TTC39B: variants seen among roughly 807,000 people sequenced by gnomAD.
The protein encoded by TTC39B is tetratricopeptide repeat protein 39B.
TTC39B carries 92 observed loss-of-function variants against 96.6 expected under a neutral mutation model. That is an observed-to-expected ratio of 0.95 (90% CI 0.80 to 1.13). The LOEUF (loss-of-function observed/expected upper bound fraction) is 1.13. Ranked by LOEUF, TTC39B falls within the 50% of genes most tolerant of loss-of-function variation. The probability of loss-of-function intolerance (pLI) is 0.00; values close to 1 mark genes in which losing one functional copy is unlikely to be tolerated. For missense variants in TTC39B, 955 were observed against 809.3 expected (o/e 1.18, Z -2.18); for synonymous variants, 367 against 299.4 (o/e 1.23, Z -2.33).
rs975979209 is a variant in TTC39B, at chr9:15,218,127, G to A, written c.372-3878C>T. Among the ~76,000 whole-genome samples the A allele has an allele frequency of 1.1e-4, 15 of 133,794 alleles. No individual in the cohort carries two copies. In the East Asian group the frequency reaches 2.0e-3, roughly 18 times the overall value. The allele number at this position is 133,794 out of a possible 152,430, so 87.8% of individuals were successfully genotyped here. A position where few individuals can be genotyped will look rare whatever the true frequency, so the allele number is the denominator to read the frequency against. On this transcript the variant is annotated intron_variant, in intron 3 of 19. Coordinates refer to ENST00000512701, the Ensembl canonical transcript of TTC39B. ...GGAGGTTGCAGTGAGCTGAGATCGC[G>A]CCACTGCATTCCAGTCTGGCAACAG...
intron 3 of TTC39B, among the ~76,000 whole-genome samples, chr9:15,217,649 T>C (rs35570964): frequency 0.099 from 15,031 of 152,248 alleles, 792 homozygotes; most frequent in Non-Finnish European, 0.13. Context: ...ATTGAGACTC[T>C]CATCACTTCA....
intron 1 of TTC39B, among the ~76,000 whole-genome samples, chr9:15,274,244 T>C (rs888149794): frequency 6.6e-6 from 1 of 152,226 alleles, no homozygotes; most frequent in Non-Finnish European, 1.5e-5. Context: ...TGAGCTCATC[T>C]GTTAGGAATA....
At chr9:15,300,735 A>C (rs1227120911) in intron 1 of TTC39B, among the ~76,000 whole-genome samples, 1 of 151,880 alleles carries the variant, frequency 6.6e-6, no homozygotes, top group Non-Finnish European at 1.5e-5. Context: ...AAAATACAAA[A>C]ATTAGCTGGG....
chr9:15,222,560 C>G (rs1331808769), intron 3 of TTC39B, among the ~76,000 whole-genome samples: 1 of 152,178 alleles, frequency 6.6e-6, no homozygotes, highest in Non-Finnish European at 1.5e-5. Flanking sequence ...GCCATTTGGA[C>G]AACTCATCCC....
At chr9:15,172,306 C>T (rs1336156798) in intron 19 of TTC39B, among the ~76,000 whole-genome samples, 197 bp from the exon 20 acceptor site, 3 of 152,046 alleles carry the variant, frequency 2.0e-5, no homozygotes, top group Non-Finnish European at 4.4e-5. Flanking sequence ...TTTCTAGAAG[C>T]TTCCTGGTGG....
chr9:15,212,955 AG>A (rs1820292067), intron 4 of TTC39B, among the ~76,000 whole-genome samples: 1 of 152,198 alleles, frequency 6.6e-6, no homozygotes, highest in Non-Finnish European at 1.5e-5. Context: ...CAAAATAGCT[AG>A]AAGAGAATAA....
exon 20 of TTC39B, chr9:15,168,995 TA>T (rs1030154781): frequency 6.6e-5 from 10 of 152,184 alleles, no homozygotes; most frequent in African/African-American, 2.2e-4. Flanking sequence ...GAAGCCCTAA[TA>T]AAAGAATCAT....
intron 2 of TTC39B, among the ~76,000 whole-genome samples, chr9:15,232,841 G>A (rs951698346): frequency 2.6e-5 from 4 of 152,170 alleles, no homozygotes; most frequent in Admixed American, 2.6e-4. Flanking sequence ...GCCGCCTAAC[G>A]TTCTGCCACT....
At chr9:15,215,593 C>T (rs986635266) in intron 3 of TTC39B, among the ~76,000 whole-genome samples, 4 of 144,436 alleles carry the variant, frequency 2.8e-5, no homozygotes, top group African/African-American at 1.0e-4. Context: ...CACGGTGGCT[C>T]ATGCCTCTAA....
chr9:15,266,614 T>A (rs563886569), intron 2 of TTC39B, among the ~76,000 whole-genome samples: 1 of 152,152 alleles, frequency 6.6e-6, no homozygotes, highest in Non-Finnish European at 1.5e-5. Flanking sequence ...ATAATACTCC[T>A]GTGGAAGTAC....
At chr9:15,222,192 C>T (rs770439912) in intron 3 of TTC39B, among the ~76,000 whole-genome samples, 5 of 152,332 alleles carry the variant, frequency 3.3e-5, no homozygotes, top group East Asian at 1.9e-4. Context: ...ATGGAAAATA[C>T]ACCTGGCACT....
At chr9:15,260,937 T>C (rs1033307934) in intron 2 of TTC39B, among the ~76,000 whole-genome samples, 1 of 152,214 alleles carries the variant, frequency 6.6e-6, no homozygotes, top group African/African-American at 2.4e-5. Flanking sequence ...ATTGAACACA[T>C]ATGAGTTTCT....
At position 15,204,331 on chromosome 9, in the gene TTC39B, C is replaced by A. The variant is rs147163850; in HGVS notation, c.692-441G>T. Among the ~76,000 whole-genome samples the A allele has an allele frequency of 1.4e-3, 207 of 152,172 alleles. 3 individuals are homozygous for A. In the East Asian group the frequency reaches 0.035, roughly 26 times the overall value. ...ATCACCTGAGGTCAGGAGATCGAGA[C>A]CAGCCTGACCAACAGGCAGAAACCC... On this transcript the variant is annotated intron_variant, in intron 6 of 19. Transcript: ENST00000512701.
chr9:15,288,926 G>A (rs1824079220), intron 1 of TTC39B, among the ~76,000 whole-genome samples: 1 of 152,254 alleles, frequency 6.6e-6, no homozygotes, highest in Non-Finnish European at 1.5e-5. Context: ...CATGAGGGGA[G>A]TCAGGGAACT....
exon 2 of TTC39B, chr9:15,267,942 A>C (rs1823197309): frequency 1.1e-5 from 17 of 1,610,984 alleles, no homozygotes; most frequent in Non-Finnish European, 1.4e-5. Flanking sequence ...GCATCTTCGA[A>C]AACGTCCTGG....
At chr9:15,171,932 A>C in exon 20 of TTC39B, 1 of 1,028,048 alleles carries the variant, frequency 9.7e-7, no homozygotes, top group Non-Finnish European at 1.4e-6. Flanking sequence ...TCTTATTCAC[A>C]AGATCATTTT....
intron 13 of TTC39B, 56 bp from the exon 14 acceptor site, chr9:15,188,188 C>A (rs1818646299): frequency 2.0e-6 from 3 of 1,498,072 alleles, no homozygotes; most frequent in South Asian, 1.4e-5. Context: ...GAGATAATAA[C>A]CTAATGGAAA....
chr9:15,212,655 G>C (rs1042107506), intron 4 of TTC39B, among the ~76,000 whole-genome samples: 4 of 152,158 alleles, frequency 2.6e-5, no homozygotes, highest in Non-Finnish European at 5.9e-5. Flanking sequence ...TCGAACTCCC[G>C]ACCTCAGGTG....
intron 1 of TTC39B, among the ~76,000 whole-genome samples, chr9:15,273,944 C>T (rs1388378352): frequency 6.6e-6 from 1 of 152,210 alleles, no homozygotes; most frequent in Non-Finnish European, 1.5e-5. Flanking sequence ...CACGTGTCTA[C>T]ATGGCATCCA....
Sources: gnomAD v4.1 joint callset for allele counts (sites outside exome capture counted in the v4.1 genomes callset) on GRCh38, gnomAD v4.1.1 for gene constraint, MANE v1.5 for transcripts, NCBI Gene and HGNC (gene_info 2026-07-23, HGNC 2026-07-21) for gene names.